ELOF1: variants seen among roughly 807,000 people sequenced by gnomAD.
ELOF1 encodes the protein elongation factor 1.
Under a neutral mutation model 7.1 loss-of-function variants are expected in ELOF1, and 4 were observed. That is an observed-to-expected ratio of 0.56 (90% CI 0.28 to 1.29). ELOF1 has a LOEUF of 1.29. Ranked by LOEUF, ELOF1 falls within the 50% of genes most tolerant of loss-of-function variation. The pLI is 0.10. For missense variants in ELOF1, 59 were observed against 86.3 expected (o/e 0.68, Z 1.25); for synonymous variants, 31 against 31.9 (o/e 0.97, Z 0.09).
chr19:11,554,500 C>G (rs548239271), intron 1 of ELOF1, 135 bp from the exon 2 acceptor site: 2 of 1,289,800 alleles, frequency 1.6e-6, no homozygotes, highest in Admixed American at 5.6e-5. Context: ...AGGGACGAGG[C>G]CCTCAGTCCT....
chr19:11,553,925 C>G, intron 3 of ELOF1, 86 bp downstream of exon 3: 1 of 1,610,322 alleles, frequency 6.2e-7, no homozygotes, highest in Non-Finnish European at 8.5e-7. Flanking sequence ...GGCCCTGCAC[C>G]AGGGCACACA....
chr19:11,555,751 T>C (rs1972823227), intron 1 of ELOF1: 1 of 152,554 alleles, frequency 6.6e-6, no homozygotes, highest in African/African-American at 2.4e-5. Context: ...AGTCACCCTG[T>C]GCTTTTGAGG....
chr19:11,553,350 A>C (rs1972758629), intron 3 of ELOF1: 1 of 450,850 alleles, frequency 2.2e-6, no homozygotes, highest in Admixed American at 3.6e-5. Flanking sequence ...GGATGTCAGG[A>C]AACAGTCCCC....
Position 11,553,339 on chromosome 19 carries a change from A to G in ELOF1, c.188-284T>C, listed in dbSNP as rs1972758365. ...AGCCTCTAGTGGGCTTCCCTTGTCC[A>G]GGATGTCAGGAAACAGTCCCCCAAT... On this transcript the variant is annotated intron_variant, in intron 3 of 3. Transcript: ENST00000586683. The G allele has an allele frequency of 2.0e-5, 9 of 447,842 alleles. No individual in the cohort carries two copies. The Admixed American group carries it at 2.2e-4, about 11-fold the overall frequency. 27.7% of individuals were successfully genotyped at this position (447,842 alleles called of 1,614,324 possible). A position where few individuals can be genotyped will look rare whatever the true frequency, so the allele number is the denominator to read the frequency against.
chr19:11,555,205 C>T (rs777006370), intron 1 of ELOF1: 19 of 215,978 alleles, frequency 8.8e-5, no homozygotes, highest in African/African-American at 3.0e-4. Context: ...TGCAGTGAGC[C>T]GAGATCGCAC....
At chr19:11,553,627 ACACACG>A in intron 3 of ELOF1, 2 of 799,772 alleles carry the variant, frequency 2.5e-6, no homozygotes, top group South Asian at 1.6e-5. Flanking sequence ...ACACACACAC[ACACACG>A]GCTGTGACAG....
At chr19:11,553,587 A>C (rs1972769542) in intron 3 of ELOF1, 5 of 24,994 alleles carry the variant, frequency 2.0e-4, no homozygotes, top group Admixed American at 1.7e-3. Context: ...CCCACTACAC[A>C]CACACACACA....
At chr19:11,556,063 G>T (rs1972829252) in intron 1 of ELOF1, among the ~76,000 whole-genome samples, 1 of 152,112 alleles carries the variant, frequency 6.6e-6, no homozygotes, top group Non-Finnish European at 1.5e-5. Context: ...GCAGGTGGGT[G>T]GGGAAACGGC....
intron 1 of ELOF1, among the ~76,000 whole-genome samples, chr19:11,558,300 G>C (rs1972862524): frequency 6.6e-6 from 1 of 151,838 alleles, no homozygotes; most frequent in Non-Finnish European, 1.5e-5. Context: ...ATTTTTTGTA[G>C]AGACAGGGAC....
At chr19:11,558,378 A>G (rs866781936) in intron 1 of ELOF1, among the ~76,000 whole-genome samples, 17 of 152,066 alleles carry the variant, frequency 1.1e-4, no homozygotes, top group South Asian at 2.1e-4. Flanking sequence ...GGCCTCCCAA[A>G]GTGCTGGCGT....
At chr19:11,553,286 G>A (rs1448217854) in intron 3 of ELOF1, 1 of 410,426 alleles carries the variant, frequency 2.4e-6, no homozygotes. Context: ...GCACGGTGCT[G>A]GTGAGGAGGC....
chr19:11,553,596 CACA>C lies in ELOF1; in HGVS notation c.187+412_187+414del, dbSNP rs1025412040. On this transcript the variant is annotated intron_variant, in intron 3 of 3. Transcript: ENST00000586683. ...CGCACACCCACTACACACACACACA[CACA>C]CACACACACACACACACACACACAC... The C allele has an allele frequency of 7.0e-5, 35 of 500,634 alleles. 1 individual carries two copies. In the African/African-American group the frequency reaches 2.9e-3, roughly 41 times the overall value. The allele number at this position is 500,634 out of a possible 1,614,324, so 31.0% of individuals were successfully genotyped here.
At chr19:11,554,209 C>T (rs1448945075) in intron 2 of ELOF1, 23 bp downstream of exon 2, 2 of 1,612,878 alleles carry the variant, frequency 1.2e-6, no homozygotes, top group African/African-American at 2.7e-5. Context: ...GAGGCTGGAT[C>T]CCTTGCCCTG....
chr19:11,554,406 G>A (rs753370155), intron 1 of ELOF1, 41 bp from the exon 2 acceptor site: 13 of 1,596,696 alleles, frequency 8.1e-6, no homozygotes, highest in African/African-American at 4.0e-5. Context: ...AGGAAACCAC[G>A]CAGCGCCCCA....
intron 1 of ELOF1, among the ~76,000 whole-genome samples, chr19:11,556,150 A>G (rs1972830603): frequency 6.6e-6 from 1 of 152,086 alleles, no homozygotes; most frequent in Non-Finnish European, 1.5e-5. Context: ...TGAGCCTCCT[A>G]TGGCGCCTCC....
At chr19:11,557,532 G>A (rs573387327) in intron 1 of ELOF1, among the ~76,000 whole-genome samples, 159 of 149,158 alleles carry the variant, frequency 1.1e-3, no homozygotes, top group African/African-American at 2.8e-3. Flanking sequence ...GGAGTCGGAG[G>A]TTTCAGTGAG....
intron 1 of ELOF1, among the ~76,000 whole-genome samples, chr19:11,556,112 G>A (rs530631336): frequency 1.0e-3 from 154 of 152,168 alleles, no homozygotes; most frequent in African/African-American, 3.4e-3. Flanking sequence ...GCGAGGCACG[G>A]TGCTCAGGGC....
At chr19:11,557,586 A>AAGCCCATGAGTTTAATTGTTGGAT (rs1267347470) in intron 1 of ELOF1, among the ~76,000 whole-genome samples, 3 of 126,134 alleles carry the variant, frequency 2.4e-5, no homozygotes, top group Non-Finnish European at 3.1e-5. Flanking sequence ...ACAGAGCAAA[A>AAGCCCATGAGTTTAATTGTTGGAT]CTTCATCTAA....
At chr19:11,554,504 C>T (rs1444884022) in intron 1 of ELOF1, 139 bp from the exon 2 acceptor site, 2 of 1,238,266 alleles carry the variant, frequency 1.6e-6, no homozygotes, top group Non-Finnish European at 2.2e-6. Flanking sequence ...ACGAGGCCCT[C>T]AGTCCTGATG....
Sources: allele counts gnomAD v4.1 joint callset (sites outside exome capture counted in the v4.1 genomes callset), GRCh38; gene constraint gnomAD v4.1.1; transcripts MANE v1.5; gene names NCBI Gene and HGNC (gene_info 2026-07-23, HGNC 2026-07-21).